Variants in CRACR2A observed in about 807,000 individuals in gnomAD.
CRACR2A encodes calcium release activated channel regulator 2A.
CRACR2A carries 79 observed loss-of-function variants against 90.5 expected under a neutral mutation model. The ratio of observed to expected loss-of-function variants is 0.87; its 90% confidence interval spans 0.73 to 1.05. The LOEUF (loss-of-function observed/expected upper bound fraction) is 1.05. Among genes scored for constraint, CRACR2A ranks in the 50% least tolerant of loss-of-function variants. The pLI is 0.00. For synonymous variants in CRACR2A, 338 were observed against 356.7 expected (o/e 0.95, Z 0.59); for missense variants, 823 against 897.2 (o/e 0.92, Z 1.06).
chr12:3,723,746 C>T (rs904644983), intron 2 of CRACR2A, among the ~76,000 whole-genome samples: 7 of 152,250 alleles, frequency 4.6e-5, no homozygotes, highest in Admixed American at 2.0e-4. Flanking sequence ...TGACCTCCAC[C>T]AGGGCCTCTT....
intron 1 of CRACR2A, among the ~76,000 whole-genome samples, chr12:3,744,822 A>G (rs1469215629): frequency 6.6e-6 from 1 of 152,212 alleles, no homozygotes; most frequent in Admixed American, 6.5e-5. Flanking sequence ...TCCTGGAGCC[A>G]CAGTTAAAAC....
At chr12:3,674,652 T>C (rs1201412900) in intron 6 of CRACR2A, among the ~76,000 whole-genome samples, 2 of 152,122 alleles carry the variant, frequency 1.3e-5, no homozygotes, top group Non-Finnish European at 2.9e-5. Flanking sequence ...TAGTTTATTA[T>C]AAATTATCAA....
chr12:3,680,384 A>G, intron 4 of CRACR2A, 35 bp from the exon 5 acceptor site: 1 of 1,541,618 alleles, frequency 6.5e-7, no homozygotes, highest in South Asian at 1.1e-5. Context: ...GTTAACACTG[A>G]CACTCACTGG....
Position 3,633,265 on chromosome 12 carries a change from G to T in CRACR2A, c.1735+339C>A, listed in dbSNP as rs1038958037. Among the ~76,000 whole-genome samples the T allele has an allele frequency of 6.6e-6, 1 of 152,092 alleles. No individual in the cohort carries two copies. Among genetic ancestry groups the T allele is most frequent in the African/African-American group, 2.4e-5 (1 of 41,388 alleles). ...AGACCCAGGACCCTGCTGACAGTGG[G>T]GAGGAGTGGTCAAAAGGAGGGGGTA... On this transcript the variant is annotated intron_variant, in intron 15 of 19. Coordinates refer to ENST00000440314, the MANE Select transcript of CRACR2A (RefSeq NM_001144958.2). The surrounding 1 kb of genome is among the most constrained non-coding windows in gnomAD (Gnocchi z 4.5).
At chr12:3,680,157 T>C (rs1289074584) in intron 5 of CRACR2A, 81 bp downstream of exon 5, 6 of 1,163,520 alleles carry the variant, frequency 5.2e-6, no homozygotes, top group South Asian at 1.3e-5. Context: ...GCCCCCCAGG[T>C]CTACAAGGGA....
At chr12:3,623,960 C>T (rs1309759509) in intron 17 of CRACR2A, among the ~76,000 whole-genome samples, 2 of 152,192 alleles carry the variant, frequency 1.3e-5, no homozygotes, top group Non-Finnish European at 2.9e-5. Flanking sequence ...TAGTCAAATG[C>T]CATCATACAC....
chr12:3,749,563 T>G (rs939860682), intron 1 of CRACR2A, among the ~76,000 whole-genome samples: 8 of 152,218 alleles, frequency 5.3e-5, no homozygotes, highest in Admixed American at 3.3e-4. Context: ...CCTTTCCTGC[T>G]TCCCTGTCCG....
At chr12:3,714,150 T>C (rs1284069458) in intron 2 of CRACR2A, among the ~76,000 whole-genome samples, 1 of 152,228 alleles carries the variant, frequency 6.6e-6, no homozygotes, top group African/African-American at 2.4e-5. Flanking sequence ...AGCTGTTTCC[T>C]GTTCTATATG....
intron 12 of CRACR2A, among the ~76,000 whole-genome samples, chr12:3,644,302 C>T (rs962069405): frequency 1.2e-4 from 19 of 152,014 alleles, no homozygotes; most frequent in East Asian, 3.9e-4. Flanking sequence ...ATTTCAACTG[C>T]GCCATCTCAT....
At chr12:3,641,584 C>A in intron 13 of CRACR2A, 148 bp downstream of exon 13, 1 of 645,642 alleles carries the variant, frequency 1.5e-6, no homozygotes, top group Non-Finnish European at 2.7e-6. Flanking sequence ...CAGGGAGGGG[C>A]ATGTGTTCCA....
chr12:3,646,517 A>G (rs1044479448), intron 11 of CRACR2A, among the ~76,000 whole-genome samples: 1 of 152,182 alleles, frequency 6.6e-6, no homozygotes, highest in African/African-American at 2.4e-5. Context: ...TTCCAATTCC[A>G]CCAGTCTTGC....
intron 4 of CRACR2A, among the ~76,000 whole-genome samples, chr12:3,685,485 A>C (rs188821261): frequency 6.6e-6 from 1 of 152,358 alleles, no homozygotes; most frequent in East Asian, 1.9e-4. Context: ...GAAGCTACCC[A>C]AGTATCTACT....
At chr12:3,672,418 T>C (rs1244843765) in intron 7 of CRACR2A, among the ~76,000 whole-genome samples, 2 of 152,076 alleles carry the variant, frequency 1.3e-5, no homozygotes, top group African/African-American at 2.4e-5. Flanking sequence ...AGCCAAGGGA[T>C]TGTTGAGGCT....
rs531650399 is a variant in CRACR2A, at chr12:3,701,259, A to C, written c.-36-4224T>G. Among the ~76,000 whole-genome samples, 4 of 152,240 alleles carry C rather than the reference A, an allele frequency of 2.6e-5. No individual in the cohort carries two copies. In the South Asian group the frequency reaches 8.3e-4, roughly 31 times the overall value. ...CGCTAATCATATATACTTGGAAAGAAGAAAGGGCTCAAATCAATGACCTCA... is the reference window on the plus strand; with the variant it reads ...CGCTAATCATATATACTTGGAAAGACGAAAGGGCTCAAATCAATGACCTCA... On this transcript the variant is annotated intron_variant, in intron 3 of 19. Transcript: ENST00000440314.
At chr12:3,730,092 T>C (rs1293175314) in intron 2 of CRACR2A, 1 of 152,128 alleles carries the variant, frequency 6.6e-6, no homozygotes, top group African/African-American at 2.4e-5. Context: ...ATACAGAAGA[T>C]TAACAGAAAT....
chr12:3,722,985 G>A (rs993770540), intron 2 of CRACR2A, among the ~76,000 whole-genome samples: 3 of 152,202 alleles, frequency 2.0e-5, no homozygotes, highest in Non-Finnish European at 4.4e-5. Flanking sequence ...GGCTGGACAA[G>A]ATGATCTTTA....
At chr12:3,690,203 T>C (rs1042512972) in intron 4 of CRACR2A, among the ~76,000 whole-genome samples, 5 of 152,160 alleles carry the variant, frequency 3.3e-5, no homozygotes, top group African/African-American at 1.2e-4. Flanking sequence ...TCTGCCAGCT[T>C]TAGGATTGGT....
chr12:3,655,995 T>G (rs1210523025), intron 9 of CRACR2A, among the ~76,000 whole-genome samples: 1 of 152,218 alleles, frequency 6.6e-6, no homozygotes, highest in Non-Finnish European at 1.5e-5. Context: ...CCTCTTTTCT[T>G]ATACAGGAGG....
chr12:3,641,227 C>T (rs1944564041), intron 13 of CRACR2A, among the ~76,000 whole-genome samples: 1 of 152,074 alleles, frequency 6.6e-6, no homozygotes, highest in African/African-American at 2.4e-5. Context: ...CTCTGTAATC[C>T]CAGCTACTTG....
Sources: gnomAD v4.1 joint callset for allele counts (sites outside exome capture counted in the v4.1 genomes callset) on GRCh38, gnomAD v4.1.1 for gene constraint, Gnocchi (gnomAD v3.1) non-coding constraint, MANE v1.5 for transcripts, NCBI Gene and HGNC (gene_info 2026-07-23, HGNC 2026-07-21) for gene names.